The following ARG1 variants were observed in gnomAD, a reference collection of about 807,000 sequenced individuals.
ARG1 encodes arginase-1.
Under a neutral mutation model 33.0 loss-of-function variants are expected in ARG1, and 20 were observed. That is an observed-to-expected ratio of 0.61 (90% CI 0.43 to 0.88). The LOEUF (loss-of-function observed/expected upper bound fraction) is 0.88, where lower values mean the gene tolerates loss of function less well. ARG1 is among the 40% of genes least tolerant of loss of function. The probability of loss-of-function intolerance (pLI) is 0.00; values close to 1 mark genes in which losing one functional copy is unlikely to be tolerated. For synonymous variants in ARG1, 146 were observed against 140.6 expected (o/e 1.04, Z -0.27); for missense variants, 374 against 384.7 (o/e 0.97, Z 0.23).
chr6:131,576,909 A>G (rs1233985841), intron 2 of ARG1, among the ~76,000 whole-genome samples, 174 bp downstream of exon 2: 7 of 152,142 alleles, frequency 4.6e-5, no homozygotes, highest in South Asian at 2.1e-4. Context: ...AATGCTCAGG[A>G]AACATTGCTG....
intron 3 of ARG1, among the ~76,000 whole-genome samples, chr6:131,579,916 T>A (rs1182795054): frequency 6.6e-6 from 1 of 152,030 alleles, no homozygotes; most frequent in Non-Finnish European, 1.5e-5. Context: ...CAGTGCAAAT[T>A]TCCTTGTTGC....
intron 1 of ARG1, among the ~76,000 whole-genome samples, chr6:131,575,180 A>AG (rs1773554873): frequency 6.6e-6 from 1 of 152,328 alleles, no homozygotes; most frequent in East Asian, 1.9e-4. Context: ...GTGTCAACTA[A>AG]GGGGTCTATG....
In ARG1 at chr6:131,579,248, A is replaced by T; in HGVS notation, c.268A>T (p.Asn90Tyr). Residue 90 changes from asparagine (N) to tyrosine (Y), a missense_variant, in exon 3 of 8, where the codon AAC becomes TAC. By Grantham distance (143) the Asn-to-Tyr change is moderately radical. Transcript: ENST00000368087. ...TGGCAAGGTGGCAGAAGTCAAGAAG[A>T]ACGGAAGAATCAGCCTGGTGCTGGG... ...LAGKVAEVKK[N>Y]GRISLVLGGD... The T allele has an allele frequency of 6.2e-7, 1 of 1,614,136 alleles. No homozygotes were observed. The highest frequency in any genetic ancestry group is 8.5e-7 in the Non-Finnish European group (1 of 1,180,012).
At chr6:131,580,295 G>A (rs1250383786) in intron 3 of ARG1, among the ~76,000 whole-genome samples, 2 of 152,100 alleles carry the variant, frequency 1.3e-5, no homozygotes, top group Non-Finnish European at 2.9e-5. Flanking sequence ...TTTGTTAAGT[G>A]GAAATTTTAG....
chr6:131,583,226 AAAGT>A, intron 6 of ARG1, 62 bp downstream of exon 6: 1 of 1,597,218 alleles, frequency 6.3e-7, no homozygotes, highest in African/African-American at 1.3e-5. Flanking sequence ...ACTGACAACC[AAAGT>A]TATTAATAAA....
At chr6:131,579,988 C>T (rs1773837510) in intron 3 of ARG1, among the ~76,000 whole-genome samples, 1 of 152,064 alleles carries the variant, frequency 6.6e-6, no homozygotes, top group Admixed American at 6.6e-5. Context: ...GATTTTTCAT[C>T]AAGGGGTTAC....
Position 131,584,134 on chromosome 6 carries a change from T to C in ARG1, c.*226T>C. On this transcript the variant is annotated 3_prime_UTR_variant, in exon 8 of 8. Coordinates refer to ENST00000368087, the MANE Select transcript of ARG1 (RefSeq NM_000045.4). Reference sequence around the variant, plus strand: ...ATTTTCTAACTTGGCAAAAGACTTATCCTTAGAAAGAGAAGTGTACATTGA... The same window carrying C: ...ATTTTCTAACTTGGCAAAAGACTTACCCTTAGAAAGAGAAGTGTACATTGA... 1.8e-6 allele frequency: 1 copy of C among 549,198 alleles called. No homozygotes were observed. The highest frequency in any genetic ancestry group is 3.2e-6 in the Non-Finnish European group (1 of 316,868). 34.0% of individuals were successfully genotyped at this position (549,198 alleles called of 1,614,324 possible).
chr6:131,579,535 CTAAA>C lies in ARG1; in HGVS notation c.305+253_305+256del. On this transcript the variant is annotated intron_variant, in intron 3 of 7. Transcript: ENST00000368087. ...TGTATGAAATATGAATGGATTTCATCTAAATATTCATCACAAGCTTACATTTCTA... is the reference window on the plus strand; with the variant it reads ...TGTATGAAATATGAATGGATTTCATCTATTCATCACAAGCTTACATTTCTA... 8.3e-6 allele frequency: 3 copies of C among 361,786 alleles called. No individual in the cohort carries two copies. In the Middle Eastern group the frequency reaches 2.5e-3, roughly 302 times the overall value. 22.4% of individuals were successfully genotyped at this position (361,786 alleles called of 1,614,324 possible). A position where few individuals can be genotyped will look rare whatever the true frequency, so the allele number is the denominator to read the frequency against.
chr6:131,573,983 AT>A (rs1480966078), intron 1 of ARG1: 2 of 439,920 alleles, frequency 4.5e-6, no homozygotes, highest in African/African-American at 3.9e-5. Context: ...CTCTAAAAGG[AT>A]TTTAATGGAT....
chr6:131,579,308 A>G (rs1773794170), intron 3 of ARG1, 23 bp downstream of exon 3: 3 of 1,612,986 alleles, frequency 1.9e-6, no homozygotes, highest in South Asian at 1.1e-5. Flanking sequence ...AACTGTGTCT[A>G]TGGGAATCTG....
At chr6:131,576,964 C>A (rs1306006889) in intron 2 of ARG1, among the ~76,000 whole-genome samples, 4 of 151,606 alleles carry the variant, frequency 2.6e-5, no homozygotes, top group Non-Finnish European at 5.9e-5. Flanking sequence ...AGCCAAACTA[C>A]AGTATAAGAT....
chr6:131,573,376 T>C (rs374231313), intron 1 of ARG1, 37 bp downstream of exon 1: 1 of 1,610,138 alleles, frequency 6.2e-7, no homozygotes, highest in South Asian at 1.1e-5. Flanking sequence ...TCCTGGAATT[T>C]AGTTGAAAAT....
At chr6:131,577,688 G>C (rs1409205091) in intron 2 of ARG1, among the ~76,000 whole-genome samples, 1 of 151,856 alleles carries the variant, frequency 6.6e-6, no homozygotes, top group Non-Finnish European at 1.5e-5. Context: ...GACTGTCTGA[G>C]CTCAGGAGTT....
intron 4 of ARG1, among the ~76,000 whole-genome samples, chr6:131,581,793 A>G (rs1773939786): frequency 6.6e-6 from 1 of 152,158 alleles, no homozygotes; most frequent in Admixed American, 6.5e-5. Flanking sequence ...GTCCTTCTAT[A>G]TCATAGAGGC....
chr6:131,574,646 A>G (rs1469131924), intron 1 of ARG1, among the ~76,000 whole-genome samples: 1 of 152,136 alleles, frequency 6.6e-6, no homozygotes, highest in Non-Finnish European at 1.5e-5. Flanking sequence ...GAGAGGATAA[A>G]ATGGCCAACA....
chr6:131,578,910 C>T (rs982341943), intron 2 of ARG1, among the ~76,000 whole-genome samples: 4 of 152,036 alleles, frequency 2.6e-5, no homozygotes, highest in African/African-American at 9.7e-5. Flanking sequence ...AGTATACAGC[C>T]GCACCAGTGT....
Position 131,581,366 on chromosome 6 carries a change from A to G in ARG1, c.453A>G (p.Glu151=). The G allele has an allele frequency of 6.2e-7, 1 of 1,613,102 alleles. No individual in the cohort carries two copies. The highest frequency in any genetic ancestry group is 1.1e-5 in the South Asian group (1 of 90,876). The change falls in exon 4 of 8, where the codon GAA becomes GAG. Residue 151 remains glutamate, a synonymous_variant. Transcript: ENST00000368087. ...HGQPVSFLLK[E]LKGKIPDVPG... ...AACCTGTATCTTTCCTCCTGAAGGA[A>G]CTAAAAGGAAAGGTAAAAGACTGGT...
At chr6:131,574,059 A>G in intron 1 of ARG1, 1 of 587,386 alleles carries the variant, frequency 1.7e-6, no homozygotes, top group East Asian at 2.9e-5. Flanking sequence ...GCAACATTGA[A>G]TACACTTTTT....
intron 2 of ARG1, among the ~76,000 whole-genome samples, chr6:131,577,755 A>G (rs535523725): frequency 1.3e-5 from 2 of 152,004 alleles, no homozygotes; most frequent in South Asian, 4.2e-4. Flanking sequence ...TACAAAAAAA[A>G]ATAGCTGGGC....
Sources: allele counts gnomAD v4.1 joint callset (sites outside exome capture counted in the v4.1 genomes callset), GRCh38; gene constraint gnomAD v4.1.1; transcripts MANE v1.5; gene names NCBI Gene and HGNC (gene_info 2026-07-23, HGNC 2026-07-21).